Variants in USP32 observed in about 807,000 individuals in gnomAD.
USP32 encodes ubiquitin specific peptidase 32.
In USP32, 59 loss-of-function variants were observed where a neutral mutation model predicts 204.8. That is an observed-to-expected ratio of 0.29 (90% CI 0.23 to 0.36). The LOEUF is 0.36. USP32 is among the 10% of genes least tolerant of loss of function. The probability of loss-of-function intolerance (pLI) is 1.00; values close to 1 mark genes in which losing one functional copy is unlikely to be tolerated. For synonymous variants in USP32, 517 were observed against 678.4 expected (o/e 0.76, Z 3.70); for missense variants, 1,160 against 1,946.4 (o/e 0.60, Z 7.60).
intron 1 of USP32, among the ~76,000 whole-genome samples, chr17:60,411,441 G>A (rs1190063606): frequency 7.7e-6 from 1 of 129,086 alleles, no homozygotes; most frequent in Admixed American, 9.5e-5. Flanking sequence ...GAGCCCAGGA[G>A]TCAAGGCTTC....
In USP32 at chr17:60,225,952, C is replaced by CAAA. The variant is rs11309727; in HGVS notation, c.1432+84_1432+86dup. Reference sequence around the variant, plus strand: ...CTGGGCAAAATGTGAAACTCAGTCTCAAAAAAAAAAAAAAAAAAGAAAAGA... The same window carrying CAAA: ...CTGGGCAAAATGTGAAACTCAGTCTCAAAAAAAAAAAAAAAAAAAAAGAAAAGA... On this transcript the variant is annotated intron_variant, in intron 13 of 33. Transcript: ENST00000300896. 251 of 1,013,414 alleles carry CAAA rather than the reference C, an allele frequency of 2.5e-4. 1 individual carries two copies. The African/African-American group carries it at 2.6e-3, about 10-fold the overall frequency. The allele number at this position is 1,013,414 out of a possible 1,614,324, so 62.8% of individuals were successfully genotyped here.
chr17:60,306,002 T>C (rs1441114957), intron 2 of USP32, among the ~76,000 whole-genome samples: 5 of 152,118 alleles, frequency 3.3e-5, no homozygotes, highest in Non-Finnish European at 5.9e-5. Flanking sequence ...AGGATGTACA[T>C]ATTTTCCGCC....
intron 2 of USP32, 47 bp from the exon 3 acceptor site, chr17:60,301,751 G>C: frequency 7.7e-7 from 1 of 1,306,410 alleles, no homozygotes; most frequent in Non-Finnish European, 1.1e-6. Context: ...TTCAGTTGTT[G>C]AGGAATCTGA....
intron 2 of USP32, among the ~76,000 whole-genome samples, chr17:60,344,169 C>T (rs2088727204): frequency 7.2e-6 from 1 of 139,732 alleles, no homozygotes; most frequent in South Asian, 2.2e-4. Context: ...CATTCTGTTG[C>T]CCGGGCTGGA....
chr17:60,201,380 G>A (rs532171813), intron 26 of USP32, among the ~76,000 whole-genome samples: 28 of 151,948 alleles, frequency 1.8e-4, no homozygotes, highest in African/African-American at 6.8e-4. Context: ...CATATCTCCT[G>A]GTACACATAT....
exon 1 of USP32, chr17:60,422,296 C>G: frequency 2.0e-6 from 1 of 488,654 alleles, no homozygotes; most frequent in Non-Finnish European, 3.4e-6. Context: ...GAAGGGGCGC[C>G]AGCCTCTCCT....
intron 2 of USP32, among the ~76,000 whole-genome samples, chr17:60,317,861 T>C (rs938009703): frequency 1.3e-5 from 2 of 152,180 alleles, no homozygotes; most frequent in Admixed American, 1.3e-4. Context: ...GGCATGCGCC[T>C]ATAGTCCCAG....
intron 11 of USP32, among the ~76,000 whole-genome samples, chr17:60,241,564 G>A (rs1022145288): frequency 1.3e-5 from 2 of 152,096 alleles, no homozygotes; most frequent in Non-Finnish European, 2.9e-5. Context: ...GGAGAGACAG[G>A]CTCTTAGAGC....
intron 20 of USP32, 31 bp from the exon 21 acceptor site, chr17:60,211,149 A>G (rs1221259485): frequency 6.2e-7 from 1 of 1,603,572 alleles, no homozygotes. Flanking sequence ...TTTGTTGCCA[A>G]AGATTCTCAT....
chr17:60,338,226 G>A (rs1263354292), intron 2 of USP32, among the ~76,000 whole-genome samples: 1 of 151,376 alleles, frequency 6.6e-6, no homozygotes, highest in Non-Finnish European at 1.5e-5. Context: ...TTGGGAGGCA[G>A]AGGCAGGAGA....
At chr17:60,407,570 A>G in intron 1 of USP32, among the ~76,000 whole-genome samples, 1 of 152,148 alleles carries the variant, frequency 6.6e-6, no homozygotes, top group East Asian at 1.9e-4. Context: ...CTGGTACAAC[A>G]AAGACCTATA....
At chr17:60,307,087 A>T (rs1468676281) in intron 2 of USP32, among the ~76,000 whole-genome samples, 6 of 151,080 alleles carry the variant, frequency 4.0e-5, no homozygotes, top group Non-Finnish European at 8.9e-5. Context: ...GGAATAATTA[A>T]TTTTTTTTCC....
chr17:60,200,788 C>T (rs1214686057), intron 26 of USP32, among the ~76,000 whole-genome samples: 1 of 152,156 alleles, frequency 6.6e-6, no homozygotes, highest in Non-Finnish European at 1.5e-5. Flanking sequence ...AGTAAATAAA[C>T]ACTAGATTTC....
At chr17:60,392,830 T>G (rs1459346932), upstream of USP32, among the ~76,000 whole-genome samples, 1 of 152,160 alleles carries the variant, frequency 6.6e-6, no homozygotes, top group African/African-American at 2.4e-5. Flanking sequence ...CCGGCCCACC[T>G]TCTCCTCCTG....
intron 1 of USP32, among the ~76,000 whole-genome samples, chr17:60,386,618 A>G (rs1035141429): frequency 6.6e-6 from 1 of 152,146 alleles, no homozygotes; most frequent in Non-Finnish European, 1.5e-5. Flanking sequence ...TTCCTTACAC[A>G]TCTTTCTGGA....
At chr17:60,416,640 T>C (rs1279814142) in intron 1 of USP32, among the ~76,000 whole-genome samples, 1 of 152,202 alleles carries the variant, frequency 6.6e-6, no homozygotes, top group Non-Finnish European at 1.5e-5. Flanking sequence ...TGAGCCATTA[T>C]TCCTGGCTGC....
chr17:60,249,440 T>C (rs2086113180), intron 11 of USP32: 1 of 348,970 alleles, frequency 2.9e-6, no homozygotes, highest in South Asian at 5.1e-5. Context: ...TGTTAAAAAT[T>C]TGACTGGTCT....
chr17:60,257,853 A>G (rs979676052), intron 9 of USP32, among the ~76,000 whole-genome samples: 65 of 152,000 alleles, frequency 4.3e-4, no homozygotes, highest in African/African-American at 1.6e-3. Context: ...GCTGGTTATC[A>G]GTTTCTTACT....
At chr17:60,418,146 C>T (rs376573197) in intron 1 of USP32, among the ~76,000 whole-genome samples, 6 of 151,906 alleles carry the variant, frequency 3.9e-5, no homozygotes, top group Non-Finnish European at 7.4e-5. Context: ...TTAGTAGAGA[C>T]GGGGTTTCTC....
Sources: allele counts gnomAD v4.1 joint callset (sites outside exome capture counted in the v4.1 genomes callset), GRCh38; gene constraint gnomAD v4.1.1; transcripts MANE v1.5; gene names NCBI Gene and HGNC (gene_info 2026-07-23, HGNC 2026-07-21).